Variants in GRIK1 observed in about 807,000 individuals in gnomAD.
The protein encoded by GRIK1 is glutamate ionotropic receptor kainate type subunit 1, also known as glutamate receptor ionotropic, kainate 1.
In GRIK1, 69 loss-of-function variants were observed where a neutral mutation model predicts 105.7. The observed-to-expected ratio is 0.65, with a 90% CI of 0.54 to 0.80. The LOEUF (loss-of-function observed/expected upper bound fraction) is 0.80. Ranked by LOEUF, GRIK1 falls within the 30% of genes least tolerant of loss-of-function variation. The pLI is 0.00. For missense variants in GRIK1, 1,109 were observed against 1,167.3 expected (o/e 0.95, Z 0.73); for synonymous variants, 438 against 431.3 (o/e 1.02, Z -0.19).
intron 17 of GRIK1, 173 bp downstream of exon 17, chr21:29,537,624 TA>T (rs1394683965): frequency 2.8e-6 from 2 of 704,438 alleles, no homozygotes; most frequent in Non-Finnish European, 2.6e-6. Flanking sequence ...AATGCAGTAG[TA>T]TAAAACTACC....
At chr21:29,596,603 C>T (rs781466907) in intron 8 of GRIK1, 33 bp from the exon 9 acceptor site, 1 of 1,521,464 alleles carries the variant, frequency 6.6e-7, no homozygotes, top group Admixed American at 1.7e-5. Flanking sequence ...AAAATAAAAA[C>T]AGCACTTAAT....
In GRIK1 at chr21:29,837,435, T is replaced by C. The variant is rs145005709; in HGVS notation, c.118+101948A>G. ...ACAACTTCTAGATATTTATAACTCA[T>C]TGTGAATATAATAAATATGTGATTA... On this transcript the variant is annotated intron_variant, in intron 1 of 17. Coordinates refer to ENST00000327783, the MANE Select transcript of GRIK1 (RefSeq NM_001330994.2). Among the ~76,000 whole-genome samples the C allele has an allele frequency of 3.8e-3, 576 of 152,294 alleles. 3 individuals carry two copies. Among genetic ancestry groups the C allele is most frequent in the African/African-American group, 0.013 (550 of 41,548 alleles).
intron 1 of GRIK1, among the ~76,000 whole-genome samples, chr21:29,717,030 C>T (rs1481591813): frequency 1.3e-5 from 2 of 152,238 alleles, no homozygotes; most frequent in African/African-American, 2.4e-5. Flanking sequence ...GGCCCAAGTG[C>T]AGCTCACGTC....
At chr21:29,774,045 A>C (rs2065880510) in intron 1 of GRIK1, among the ~76,000 whole-genome samples, 1 of 152,156 alleles carries the variant, frequency 6.6e-6, no homozygotes, top group Non-Finnish European at 1.5e-5. Context: ...ATTTTCTGCT[A>C]CTCGGTGGAT....
At chr21:29,750,237 C>CCTCA in intron 1 of GRIK1, among the ~76,000 whole-genome samples, 1 of 13,904 alleles carries the variant, frequency 7.2e-5, no homozygotes, top group Non-Finnish European at 8.2e-4. Context: ...TCCTTCCCTT[C>CCTCA]CTCCCTCCCT....
At chr21:29,913,672 A>AATATATATATATATAT (rs60924907) in intron 1 of GRIK1, among the ~76,000 whole-genome samples, 25 of 144,582 alleles carry the variant, frequency 1.7e-4, no homozygotes, top group African/African-American at 6.1e-4. Context: ...AGAAACACTA[A>AATATATATATATATAT]ATATATATAT....
At chr21:29,575,534 T>TA (rs1391414232) in intron 14 of GRIK1, among the ~76,000 whole-genome samples, 1 of 151,486 alleles carries the variant, frequency 6.6e-6, no homozygotes, top group Non-Finnish European at 1.5e-5. Context: ...AAAAGATTAT[T>TA]TAAAAAAAAA....
At chr21:29,674,365 G>T (rs537406088) in intron 3 of GRIK1, among the ~76,000 whole-genome samples, 1 of 151,132 alleles carries the variant, frequency 6.6e-6, no homozygotes, top group Non-Finnish European at 1.5e-5. Flanking sequence ...TGATTCTGAT[G>T]TACAATAAAT....
chr21:29,630,077 A>G (rs544853784), intron 7 of GRIK1, among the ~76,000 whole-genome samples: 1 of 152,310 alleles, frequency 6.6e-6, no homozygotes, highest in East Asian at 1.9e-4. Context: ...ATGTGGGTGT[A>G]GCAGAAAATG....
chr21:29,720,149 C>T (rs572653024), intron 1 of GRIK1, among the ~76,000 whole-genome samples: 2 of 152,206 alleles, frequency 1.3e-5, no homozygotes, highest in Admixed American at 6.5e-5. Flanking sequence ...TGCCATGGCT[C>T]CACAATCCCT....
Position 29,850,095 on chromosome 21 carries a change from C to T in GRIK1, c.118+89288G>A, listed in dbSNP as rs183634817. Among the ~76,000 whole-genome samples, 14 of 152,236 alleles carry T rather than the reference C, an allele frequency of 9.2e-5. No homozygotes were observed. The East Asian group carries it at 1.5e-3, about 17-fold the overall frequency. On this transcript the variant is annotated intron_variant, in intron 1 of 17. Coordinates refer to ENST00000327783, the MANE Select transcript of GRIK1 (RefSeq NM_001330994.2). ...AAGTTTATGTCATCCCTTTTTGGTTCGGTTTCGCTGACTTTCAGAAGGATC... is the reference window on the plus strand; with the variant it reads ...AAGTTTATGTCATCCCTTTTTGGTTTGGTTTCGCTGACTTTCAGAAGGATC...
At chr21:29,804,251 G>T (rs2066793970) in intron 1 of GRIK1, among the ~76,000 whole-genome samples, 1 of 152,094 alleles carries the variant, frequency 6.6e-6, no homozygotes, top group Non-Finnish European at 1.5e-5. Context: ...AGGCAAGGGA[G>T]AAATTTTTTA....
chr21:29,820,562 T>A (rs955442759), intron 1 of GRIK1, among the ~76,000 whole-genome samples: 1 of 151,972 alleles, frequency 6.6e-6, no homozygotes, highest in Non-Finnish European at 1.5e-5. Flanking sequence ...GTGTGGCTAA[T>A]TAGGGCTGCA....
intron 1 of GRIK1, among the ~76,000 whole-genome samples, chr21:29,838,864 C>T (rs546502115): frequency 5.5e-4 from 83 of 152,186 alleles, no homozygotes; most frequent in Non-Finnish European, 9.1e-4. Flanking sequence ...AGTTACTAAC[C>T]TCACAGATCA....
intron 7 of GRIK1, among the ~76,000 whole-genome samples, chr21:29,632,629 G>T (rs925610386): frequency 2.6e-5 from 4 of 152,038 alleles, no homozygotes; most frequent in African/African-American, 9.7e-5. Context: ...TTAAACATGT[G>T]TGCACCTGTG....
Position 29,612,385 on chromosome 21 carries a change from A to G in GRIK1, c.1099-13448T>C, listed in dbSNP as rs544224450. 3.9e-5 allele frequency among the ~76,000 whole-genome samples: 6 copies of G among 152,316 alleles called. No homozygotes were observed. In the South Asian group the frequency reaches 6.2e-4, roughly 16 times the overall value. On this transcript the variant is annotated intron_variant, in intron 7 of 17. Coordinates refer to ENST00000327783, the MANE Select transcript of GRIK1 (RefSeq NM_001330994.2). ...GGATTACTTGTGTGTTTCTGCTCATAGAGTTACCACATTACCATAAGTGTG... is the reference window on the plus strand; with the variant it reads ...GGATTACTTGTGTGTTTCTGCTCATGGAGTTACCACATTACCATAAGTGTG...
At chr21:29,937,999 A>G (rs2071832207) in intron 1 of GRIK1, among the ~76,000 whole-genome samples, 1 of 152,222 alleles carries the variant, frequency 6.6e-6, no homozygotes. Context: ...TAGTCTAGAA[A>G]AAACATGTGT....
At chr21:29,555,522 A>T (rs1470982376) in intron 15 of GRIK1, among the ~76,000 whole-genome samples, 1 of 152,162 alleles carries the variant, frequency 6.6e-6, no homozygotes, top group Non-Finnish European at 1.5e-5. Context: ...TTTGGCCCCG[A>T]TTGTTTGCTC....
At chr21:29,631,807 T>C (rs1417304097) in intron 7 of GRIK1, among the ~76,000 whole-genome samples, 2 of 152,258 alleles carry the variant, frequency 1.3e-5, no homozygotes, top group Non-Finnish European at 1.5e-5. Flanking sequence ...ATTCCACCTG[T>C]CTTTTACTTT....
Sources: allele counts gnomAD v4.1 joint callset (sites outside exome capture counted in the v4.1 genomes callset), GRCh38; gene constraint gnomAD v4.1.1; transcripts MANE v1.5; gene names NCBI Gene and HGNC (gene_info 2026-07-23, HGNC 2026-07-21).